SATB1: variants seen among roughly 807,000 people sequenced by gnomAD.
The protein encoded by SATB1 is DNA-binding protein SATB1.
Under a neutral mutation model 86.9 loss-of-function variants are expected in SATB1, and 11 were observed. The ratio of observed to expected loss-of-function variants is 0.13; its 90% confidence interval spans 0.08 to 0.21. The LOEUF (loss-of-function observed/expected upper bound fraction) is 0.21, where lower values mean the gene tolerates loss of function less well. SATB1 is among the 10% of genes least tolerant of loss of function. The probability of loss-of-function intolerance (pLI) is 1.00; values close to 1 mark genes in which losing one functional copy is unlikely to be tolerated. For synonymous variants in SATB1, 357 were observed against 357.2 expected (o/e 1.00, Z 0.01); for missense variants, 551 against 937.6 (o/e 0.59, Z 5.39).
intron 5 of SATB1, among the ~76,000 whole-genome samples, chr3:18,414,511 A>G (rs1698019871): frequency 6.6e-6 from 1 of 152,108 alleles, no homozygotes; most frequent in South Asian, 2.1e-4. Context: ...GGGAAAAAAG[A>G]AAATTCCACT....
At chr3:18,422,278 G>C (rs1221262453) in intron 1 of SATB1, among the ~76,000 whole-genome samples, 2 of 152,080 alleles carry the variant, frequency 1.3e-5, no homozygotes, top group East Asian at 3.9e-4. Flanking sequence ...AAGCCAGTTT[G>C]TATTAGCATG....
upstream of SATB1, among the ~76,000 whole-genome samples, chr3:18,440,627 C>T (rs960689219): frequency 6.6e-6 from 1 of 152,146 alleles, no homozygotes. Context: ...TCATTCCACA[C>T]GAGGAACAGA....
At chr3:18,429,852 A>G (rs1419215163), upstream of SATB1, among the ~76,000 whole-genome samples, 1 of 152,178 alleles carries the variant, frequency 6.6e-6, no homozygotes, top group Non-Finnish European at 1.5e-5. This position sits in a 1 kb window ranked among gnomAD's most constrained non-coding sequence, Gnocchi z 4.1. Context: ...GAGAGCAGAG[A>G]CTGGGTGTCT....
chr3:18,350,941 C>A, intron 10 of SATB1: 2 of 290,262 alleles, frequency 6.9e-6, no homozygotes, highest in Non-Finnish European at 6.7e-6. Flanking sequence ...AATTTTAGGA[C>A]TCTGGAAGGC....
intron 9 of SATB1, among the ~76,000 whole-genome samples, chr3:18,354,114 A>G (rs1314556970): frequency 7.9e-5 from 12 of 152,224 alleles, no homozygotes; most frequent in Non-Finnish European, 1.2e-4. Context: ...GAATATATTA[A>G]CTATAAAACT....
intron 2 of SATB1, chr3:18,417,697 T>C (rs1698190493): frequency 1.4e-6 from 1 of 698,368 alleles, no homozygotes; most frequent in Non-Finnish European, 2.6e-6. Flanking sequence ...ACAATTTCAA[T>C]ATCTGCATAA....
rs1283291324 is a variant in SATB1 at position 18,345,512 on chromosome 3, A to G, written c.*3658T>C. 3 of 152,116 alleles carry G rather than the reference A, an allele frequency of 2.0e-5. No homozygotes were observed. The highest frequency in any genetic ancestry group is 6.6e-5 in the Admixed American group (1 of 15,258). The allele number at this position is 152,116 out of a possible 1,614,324, so 9.4% of individuals were successfully genotyped here. A position where few individuals can be genotyped will look rare whatever the true frequency, so the allele number is the denominator to read the frequency against. On this transcript the variant is annotated 3_prime_UTR_variant, in exon 11 of 11. Transcript: ENST00000338745. Reference sequence around the variant, plus strand: ...TATTTTATCAAAAATGTGCATATTAATAGATTGTAGTTTAGCCTTTGTCAA... The same window carrying G: ...TATTTTATCAAAAATGTGCATATTAGTAGATTGTAGTTTAGCCTTTGTCAA...
chr3:18,429,556 G>C (rs944332455), upstream of SATB1, among the ~76,000 whole-genome samples: 1 of 152,214 alleles, frequency 6.6e-6, no homozygotes, highest in African/African-American at 2.4e-5. The surrounding 1 kb of genome is among the most constrained non-coding windows in gnomAD (Gnocchi z 4.1). Context: ...GTCATGGCAT[G>C]GCACATGCTA....
At chr3:18,371,197 G>T (rs9310552) in intron 9 of SATB1, among the ~76,000 whole-genome samples, 69,192 of 151,856 alleles carry the variant, frequency 0.46, 16,392 homozygotes, top group South Asian at 0.6. Flanking sequence ...ACTGGAATAG[G>T]TGAATCACAA....
intron 5 of SATB1, among the ~76,000 whole-genome samples, chr3:18,399,579 T>A (rs1312955351): frequency 6.6e-6 from 1 of 152,124 alleles, no homozygotes; most frequent in Non-Finnish European, 1.5e-5. Context: ...GAAAATAATA[T>A]CCATATGTGC....
At position 18,415,259 on chromosome 3, in the gene SATB1, G is replaced by C. The variant is rs760488123; in HGVS notation, c.516-25C>G. On this transcript the variant is annotated intron_variant, in intron 4 of 10. Transcript: ENST00000338745. ...ACTATTTGAGACATAGATTAGAAAG[G>C]GGATTATTACAAGATTGCATCCCGC... The C allele has an allele frequency of 3.7e-6, 6 of 1,611,694 alleles. No individual in the cohort carries two copies. The East Asian group carries it at 1.1e-4, about 30-fold the overall frequency.
intron 8 of SATB1, among the ~76,000 whole-genome samples, chr3:18,379,048 A>T (rs9310558): frequency 0.61 from 93,121 of 152,084 alleles, 29,092 homozygotes; most frequent in East Asian, 0.93. Context: ...TCACAATATT[A>T]AATAAAATAT....
At chr3:18,438,634 G>A (rs1334171925) in exon 1 of SATB1, 1 of 152,234 alleles carries the variant, frequency 6.6e-6, no homozygotes, top group Non-Finnish European at 1.5e-5. Context: ...AGTCTTTGAT[G>A]AGGTGACAAT....
At chr3:18,362,278 A>C (rs973102239) in intron 9 of SATB1, among the ~76,000 whole-genome samples, 1 of 152,242 alleles carries the variant, frequency 6.6e-6, no homozygotes, top group East Asian at 1.9e-4. Context: ...GAACACAAAC[A>C]GCCCTTTGAG....
At chr3:18,365,659 A>T (rs989524827) in intron 9 of SATB1, among the ~76,000 whole-genome samples, 1 of 152,190 alleles carries the variant, frequency 6.6e-6, no homozygotes, top group Non-Finnish European at 1.5e-5. Flanking sequence ...ACAGGTAGAA[A>T]ATAATTGAGC....
At chr3:18,414,929 C>T (rs1698037364) in intron 5 of SATB1, 182 bp downstream of exon 5, 9 of 602,914 alleles carry the variant, frequency 1.5e-5, no homozygotes, top group Non-Finnish European at 2.5e-5. Context: ...GAGAAAAAGC[C>T]TATAGGCTCT....
chr3:18,427,737 A>G (rs2125189874), upstream of SATB1, among the ~76,000 whole-genome samples: 1 of 152,338 alleles, frequency 6.6e-6, no homozygotes, highest in South Asian at 2.1e-4. Context: ...ACAAAACATG[A>G]AAGTATGTAA....
intron 8 of SATB1, among the ~76,000 whole-genome samples, chr3:18,379,871 C>A (rs929602696): frequency 1.3e-5 from 2 of 152,172 alleles, no homozygotes; most frequent in Non-Finnish European, 2.9e-5. Context: ...GCCTCATCCG[C>A]CTCCTCTCCA....
chr3:18,408,197 G>C (rs1697644699), intron 5 of SATB1, among the ~76,000 whole-genome samples: 1 of 151,888 alleles, frequency 6.6e-6, no homozygotes, highest in Admixed American at 6.6e-5. Context: ...TGACTAAAGA[G>C]AACAAAGTTT....
Sources: allele counts gnomAD v4.1 joint callset (sites outside exome capture counted in the v4.1 genomes callset), GRCh38; gene constraint gnomAD v4.1.1; non-coding constraint Gnocchi (gnomAD v3.1); transcripts MANE v1.5; gene names NCBI Gene and HGNC (gene_info 2026-07-23, HGNC 2026-07-21).